The following PCDH9 variants were observed in gnomAD, a reference collection of about 807,000 sequenced individuals.
PCDH9 encodes protocadherin-9.
In PCDH9, 24 loss-of-function variants were observed where a neutral mutation model predicts 70.6. The observed-to-expected ratio is 0.34, with a 90% confidence interval of 0.25 to 0.48. The LOEUF is 0.48. Ranked by LOEUF, PCDH9 falls within the 20% of genes least tolerant of loss-of-function variation. The probability of loss-of-function intolerance (pLI) is 0.99; values close to 1 mark genes in which losing one functional copy is unlikely to be tolerated. For synonymous variants in PCDH9, 562 were observed against 558.5 expected, an observed-to-expected ratio of 1.01 and a Z score of -0.09; for missense variants, 1,281 against 1,503.6, an observed-to-expected ratio of 0.85 and a Z score of 2.45.
At chr13:67,039,625 T>A (rs1289867479) in intron 2 of PCDH9, among the ~76,000 whole-genome samples, 1 of 152,224 alleles carries the variant, frequency 6.6e-6, no homozygotes, top group African/African-American at 2.4e-5. Flanking sequence ...TGGATCAGTT[T>A]TCTTTAGTGA....
chr13:66,839,317 G>A (rs1179455956), intron 3 of PCDH9, among the ~76,000 whole-genome samples: 1 of 152,122 alleles, frequency 6.6e-6, no homozygotes, highest in Non-Finnish European at 1.5e-5. Flanking sequence ...TCCAAGATAT[G>A]ATGTCCCAAT....
At chr13:67,114,925 C>G (rs1175659982) in intron 2 of PCDH9, among the ~76,000 whole-genome samples, 1 of 152,086 alleles carries the variant, frequency 6.6e-6, no homozygotes, top group East Asian at 1.9e-4. Flanking sequence ...AAATTGTGAA[C>G]GGTTTTGACA....
chr13:67,161,358 G>A (rs777193513), intron 2 of PCDH9, among the ~76,000 whole-genome samples: 18 of 152,180 alleles, frequency 1.2e-4, no homozygotes, highest in South Asian at 2.1e-4. Context: ...GAAGAGTGTC[G>A]GGCAGTGATG....
At chr13:66,376,337 CA>C (rs1420787607) in intron 4 of PCDH9, among the ~76,000 whole-genome samples, 2 of 152,112 alleles carry the variant, frequency 1.3e-5, no homozygotes, top group Admixed American at 6.6e-5. Flanking sequence ...CAACTCTCAC[CA>C]ACTGGGCTGC....
rs1594073870 is a variant in PCDH9, at chr13:66,501,655, T to G, written c.3340+129555A>C. ...AGCAGCAGTAATTTTACCAGTAAAT[T>G]CTACAGGTATATTAAAAAAATTAAG... is the stretch of plus-strand genomic sequence containing the variant. On this transcript the variant is annotated intron_variant, in intron 4 of 4. Transcript: ENST00000377865. Among the ~76,000 whole-genome samples, 4 of 152,004 alleles carry G rather than the reference T, an allele frequency of 2.6e-5. No homozygotes were observed. The South Asian group carries it at 8.3e-4, about 31-fold the overall frequency.
At chr13:66,357,451 A>G (rs1015140212) in intron 4 of PCDH9, among the ~76,000 whole-genome samples, 1 of 152,110 alleles carries the variant, frequency 6.6e-6, no homozygotes, top group African/African-American at 2.4e-5. Context: ...CATTGCCTAC[A>G]CTAACAGAGA....
chr13:66,472,200 A>AGCTT (rs924768783), intron 4 of PCDH9, among the ~76,000 whole-genome samples: 9 of 135,748 alleles, frequency 6.6e-5, no homozygotes, highest in Middle Eastern at 3.9e-3. Context: ...TGACAGAGCA[A>AGCTT]GACTCCATCT....
intron 3 of PCDH9, among the ~76,000 whole-genome samples, chr13:66,849,616 T>A (rs1465405359): frequency 1.3e-5 from 2 of 150,672 alleles, no homozygotes; most frequent in Non-Finnish European, 2.9e-5. Context: ...TTTAAGGTAA[T>A]GAAATCTAGG....
chr13:67,051,382 A>ATTTTTTTTTTT lies in PCDH9; in HGVS notation c.3037-147788_3037-147778dup, dbSNP rs567408801. Among the ~76,000 whole-genome samples, 540 of 70,996 alleles carry ATTTTTTTTTTT rather than the reference A, an allele frequency of 7.6e-3. 48 individuals are homozygous for ATTTTTTTTTTT. Among genetic ancestry groups the ATTTTTTTTTTT allele is most frequent in the Middle Eastern group, 0.02 (2 of 100 alleles). The allele number at this position is 70,996 out of a possible 152,430, so 46.6% of individuals were successfully genotyped here. On this transcript the variant is annotated intron_variant, in intron 2 of 4. Transcript: ENST00000377865. Reference sequence around the variant, plus strand: ...CGAAATACCAGGAAAACAATACAAGATTTTTTTTTTTTTTTTTTTTTTTTT... The same window carrying ATTTTTTTTTTT: ...CGAAATACCAGGAAAACAATACAAGATTTTTTTTTTTTTTTTTTTTTTTTTTTTTTTTTTTT...
chr13:66,868,643 C>T (rs879780290), intron 3 of PCDH9, among the ~76,000 whole-genome samples: 11 of 151,892 alleles, frequency 7.2e-5, no homozygotes, highest in African/African-American at 2.4e-4. Context: ...TAAAAACCAA[C>T]GATAAATACT....
chr13:67,109,413 C>T (rs1010245780), intron 2 of PCDH9, among the ~76,000 whole-genome samples: 3 of 152,150 alleles, frequency 2.0e-5, no homozygotes, highest in South Asian at 2.1e-4. Flanking sequence ...AGCCTAATCA[C>T]GTAGTTTGGC....
chr13:66,664,442 C>T (rs1306731952), intron 3 of PCDH9, among the ~76,000 whole-genome samples: 10 of 146,456 alleles, frequency 6.8e-5, no homozygotes, highest in African/African-American at 2.5e-4. Flanking sequence ...CAGCAATGGG[C>T]TTTTTTTTTT....
At chr13:67,076,071 C>A (rs1354298689) in intron 2 of PCDH9, among the ~76,000 whole-genome samples, 1 of 152,088 alleles carries the variant, frequency 6.6e-6, no homozygotes, top group African/African-American at 2.4e-5. Context: ...CTTATAACAT[C>A]GAACCTTTCA....
intron 2 of PCDH9, among the ~76,000 whole-genome samples, chr13:66,907,129 G>A (rs1290057735): frequency 6.6e-6 from 1 of 152,166 alleles, no homozygotes; most frequent in East Asian, 1.9e-4. Context: ...GCTTGAGCTC[G>A]AGAGCTGGAG....
intron 3 of PCDH9, among the ~76,000 whole-genome samples, chr13:66,834,228 G>A (rs937144727): frequency 2.0e-5 from 3 of 148,376 alleles, no homozygotes; most frequent in African/African-American, 7.4e-5. Context: ...TGCAGTCTTG[G>A]CTCACTGCAA....
chr13:66,433,725 T>C, intron 4 of PCDH9, among the ~76,000 whole-genome samples: 1 of 151,798 alleles, frequency 6.6e-6, no homozygotes, highest in East Asian at 1.9e-4. Flanking sequence ...AGCTTAAACA[T>C]TGGTCCTATT....
chr13:67,123,704 TTAATC>T (rs2086919521), intron 2 of PCDH9, among the ~76,000 whole-genome samples: 1 of 152,134 alleles, frequency 6.6e-6, no homozygotes, highest in South Asian at 2.1e-4. Flanking sequence ...TCATTCTTAT[TTAATC>T]TAAACAAGAT....
intron 2 of PCDH9, among the ~76,000 whole-genome samples, chr13:67,067,934 A>C (rs1183739873): frequency 6.6e-6 from 1 of 152,162 alleles, no homozygotes; most frequent in Non-Finnish European, 1.5e-5. Context: ...AAAGTTCATA[A>C]TTCTTTATTA....
In PCDH9 at chr13:66,914,774, T is replaced by C. The variant is rs574695309; in HGVS notation, c.3037-11169A>G. ...TTTTGTCTTCAAAGAGTTGACAGTA[T>C]ATCAAAGTTCATTTTGATCAATTCT... On this transcript the variant is annotated intron_variant, in intron 2 of 4. Transcript: ENST00000377865. Among the ~76,000 whole-genome samples, 63 of 151,922 alleles carry C rather than the reference T, an allele frequency of 4.1e-4. No homozygotes were observed. In the South Asian group the frequency reaches 5.6e-3, roughly 13 times the overall value.
Sources: gnomAD v4.1 joint callset for allele counts (sites outside exome capture counted in the v4.1 genomes callset) on GRCh38, gnomAD v4.1.1 for gene constraint, MANE v1.5 for transcripts, NCBI Gene and HGNC (gene_info 2026-07-23, HGNC 2026-07-21) for gene names.